Variants in CSMD3 observed in about 807,000 individuals in gnomAD.
The protein encoded by CSMD3 is CUB and Sushi multiple domains 3.
In CSMD3, 177 loss-of-function variants were observed where a neutral mutation model predicts 435.2. The ratio of observed to expected loss-of-function variants is 0.41; its 90% CI spans 0.36 to 0.46. CSMD3 has a LOEUF of 0.46. Ranked by LOEUF, CSMD3 falls within the 20% of genes least tolerant of loss-of-function variation. CSMD3 has a pLI of 0.34. For missense variants in CSMD3, 4,265 were observed against 4,504.6 expected (o/e 0.95, Z 1.52); for synonymous variants, 1,656 against 1,520.5 (o/e 1.09, Z -2.07).
intron 31 of CSMD3, among the ~76,000 whole-genome samples, chr8:112,481,294 G>C (rs1819601661): frequency 6.6e-6 from 1 of 152,194 alleles, no homozygotes; most frequent in Admixed American, 6.5e-5. Context: ...ATTTATGTGG[G>C]AGAAATGCTA....
intron 1 of CSMD3, among the ~76,000 whole-genome samples, chr8:113,408,002 C>T (rs751830811): frequency 6.6e-6 from 1 of 152,044 alleles, no homozygotes; most frequent in Non-Finnish European, 1.5e-5. Flanking sequence ...TTTAAACAAT[C>T]AACCAGAGCT....
At chr8:113,087,005 G>A (rs1281410771) in intron 5 of CSMD3, among the ~76,000 whole-genome samples, 6 of 152,072 alleles carry the variant, frequency 3.9e-5, no homozygotes, top group South Asian at 4.1e-4. Context: ...GAACCGCATC[G>A]CATAGCAAAT....
intron 7 of CSMD3, among the ~76,000 whole-genome samples, chr8:112,960,789 T>C (rs2084198000): frequency 6.6e-6 from 1 of 151,802 alleles, no homozygotes; most frequent in Admixed American, 6.6e-5. Flanking sequence ...AATTCATAAA[T>C]GATGGAACTG....
chr8:112,759,386 C>T (rs1473851195), intron 13 of CSMD3, among the ~76,000 whole-genome samples: 1 of 152,048 alleles, frequency 6.6e-6, no homozygotes, highest in Non-Finnish European at 1.5e-5. Flanking sequence ...AGTGTCAGAA[C>T]TCAGGGTTCG....
intron 9 of CSMD3, among the ~76,000 whole-genome samples, chr8:112,941,854 T>C (rs1249606535): frequency 1.3e-5 from 2 of 151,690 alleles, no homozygotes; most frequent in African/African-American, 4.8e-5. Context: ...TCCCAAACAC[T>C]ACCCCTCTCT....
intron 2 of CSMD3, chr8:113,313,623 G>C (rs185504203): frequency 3.1e-4 from 47 of 152,284 alleles, no homozygotes; most frequent in African/African-American, 1.0e-3. Context: ...TCTGCTTCTT[G>C]TACATTAGGA....
intron 67 of CSMD3, among the ~76,000 whole-genome samples, chr8:112,236,329 A>G (rs1431337753): frequency 1.3e-5 from 2 of 152,116 alleles, no homozygotes; most frequent in Non-Finnish European, 2.9e-5. Flanking sequence ...GAGAGCAATT[A>G]TAATTCAAAT....
chr8:113,268,182 C>T (rs2093487983), intron 3 of CSMD3, among the ~76,000 whole-genome samples: 1 of 151,780 alleles, frequency 6.6e-6, no homozygotes, highest in Non-Finnish European at 1.5e-5. Flanking sequence ...AACTAGAATG[C>T]ATTTAGAATA....
chr8:113,385,104 CAA>C (rs902332785), intron 1 of CSMD3, among the ~76,000 whole-genome samples: 1 of 152,062 alleles, frequency 6.6e-6, no homozygotes, highest in Non-Finnish European at 1.5e-5. Flanking sequence ...ATACATAATT[CAA>C]AAGTCAATTA....
intron 13 of CSMD3, among the ~76,000 whole-genome samples, chr8:112,730,720 G>T (rs1445679899): frequency 6.6e-6 from 1 of 152,026 alleles, no homozygotes; most frequent in Non-Finnish European, 1.5e-5. Flanking sequence ...TGCTTAAGAG[G>T]CCAGATCAAT....
At chr8:112,609,107 C>T (rs1833026863) in intron 22 of CSMD3, among the ~76,000 whole-genome samples, 1 of 143,760 alleles carries the variant, frequency 7.0e-6, no homozygotes, top group Non-Finnish European at 1.5e-5. Context: ...GAGGCTGAGG[C>T]AGGAGAATCG....
chr8:112,286,267 C>T (rs1819186791), intron 58 of CSMD3, among the ~76,000 whole-genome samples: 1 of 152,092 alleles, frequency 6.6e-6, no homozygotes, highest in African/African-American at 2.4e-5. Context: ...ACACTAGTCT[C>T]CCCTTATCTA....
chr8:112,266,130 T>C (rs754263423), intron 59 of CSMD3, among the ~76,000 whole-genome samples: 58 of 152,146 alleles, frequency 3.8e-4, no homozygotes, highest in Non-Finnish European at 6.9e-4. Flanking sequence ...CCTTGACCAA[T>C]ACATGATGAT....
At chr8:113,423,903 A>G (rs2129978989) in intron 1 of CSMD3, among the ~76,000 whole-genome samples, 1 of 152,002 alleles carries the variant, frequency 6.6e-6, no homozygotes, top group South Asian at 2.1e-4. Flanking sequence ...AGAAATTCAC[A>G]TAGATATGGA....
At chr8:112,359,762 G>C (rs951114892) in intron 38 of CSMD3, among the ~76,000 whole-genome samples, 1 of 152,074 alleles carries the variant, frequency 6.6e-6, no homozygotes, top group South Asian at 2.1e-4. Context: ...GATAAGGAGA[G>C]TCTGTACATT....
intron 1 of CSMD3, among the ~76,000 whole-genome samples, chr8:113,367,515 T>G (rs1374594434): frequency 6.6e-6 from 1 of 152,240 alleles, no homozygotes; most frequent in East Asian, 1.9e-4. Flanking sequence ...TTATGATTCT[T>G]CCAAAATTCA....
chr8:113,284,641 T>C (rs2093633557), intron 2 of CSMD3, among the ~76,000 whole-genome samples: 1 of 152,170 alleles, frequency 6.6e-6, no homozygotes, highest in Admixed American at 6.6e-5. Flanking sequence ...TATAAATTTA[T>C]GGTATTTAAA....
chr8:113,247,004 G>T (rs1332921994), intron 3 of CSMD3, among the ~76,000 whole-genome samples: 2 of 152,152 alleles, frequency 1.3e-5, no homozygotes. Flanking sequence ...AGTAGTAAGG[G>T]TTTGGAGTTT....
chr8:112,357,819 G>T (rs765079868), intron 38 of CSMD3, among the ~76,000 whole-genome samples: 4 of 152,200 alleles, frequency 2.6e-5, no homozygotes, highest in Non-Finnish European at 4.4e-5. Context: ...GCAGAGGCAG[G>T]GCTCTCATGG....
Sources: gnomAD v4.1 joint callset for allele counts (sites outside exome capture counted in the v4.1 genomes callset) on GRCh38, gnomAD v4.1.1 for gene constraint, MANE v1.5 for transcripts, NCBI Gene and HGNC (gene_info 2026-07-23, HGNC 2026-07-21) for gene names.